Variants in CNIH3 observed in about 807,000 individuals in gnomAD.
The protein encoded by CNIH3 is protein cornichon homolog 3.
In CNIH3, 14 loss-of-function variants were observed where a neutral mutation model predicts 24.1. That is an observed-to-expected ratio of 0.58 (90% CI 0.38 to 0.91). The LOEUF is 0.91. Ranked by LOEUF, CNIH3 falls within the 40% of genes least tolerant of loss-of-function variation. The pLI, the probability that CNIH3 is intolerant of heterozygous loss-of-function variation, is 0.00. For synonymous variants in CNIH3, 68 were observed against 73.8 expected, an observed-to-expected ratio of 0.92 and a Z score of 0.40; for missense variants, 178 against 196.8, an observed-to-expected ratio of 0.90 and a Z score of 0.57.
intron 4 of CNIH3, among the ~76,000 whole-genome samples, chr1:224,574,227 G>C (rs934901249): frequency 6.6e-6 from 1 of 152,108 alleles, no homozygotes; most frequent in South Asian, 2.1e-4. Flanking sequence ...ACTGCTTCAC[G>C]TCAGGTACCT....
chr1:224,582,255 A>T (rs1322417837), intron 4 of CNIH3, among the ~76,000 whole-genome samples: 2 of 152,150 alleles, frequency 1.3e-5, no homozygotes, highest in African/African-American at 4.8e-5. Context: ...TTTATAGTCC[A>T]TAGGTAGCCA....
intron 1 of CNIH3, among the ~76,000 whole-genome samples, chr1:224,487,325 T>C (rs1214004134): frequency 6.6e-6 from 1 of 152,220 alleles, no homozygotes; most frequent in Non-Finnish European, 1.5e-5. Flanking sequence ...AGTGGACAGT[T>C]TGTAAACAGA....
At chr1:224,589,216 T>C (rs1681645845), downstream of CNIH3, among the ~76,000 whole-genome samples, 1 of 152,152 alleles carries the variant, frequency 6.6e-6, no homozygotes, top group African/African-American at 2.4e-5. Context: ...TGCACCACGT[T>C]GCTATTCCCA....
At chr1:224,589,279 G>C (rs1311393905), downstream of CNIH3, among the ~76,000 whole-genome samples, 1 of 152,094 alleles carries the variant, frequency 6.6e-6, no homozygotes, top group Non-Finnish European at 1.5e-5. Flanking sequence ...CTCACTTCCT[G>C]TCCTCACTGT....
At chr1:224,515,185 C>T (rs963065993), upstream of CNIH3, among the ~76,000 whole-genome samples, 5 of 152,168 alleles carry the variant, frequency 3.3e-5, no homozygotes, top group Non-Finnish European at 5.9e-5. Context: ...GGGGTCTAGG[C>T]TATTTACAGT....
chr1:224,660,719 A>G (rs1685311137), intron 1 of CNIH3, among the ~76,000 whole-genome samples: 1 of 152,222 alleles, frequency 6.6e-6, no homozygotes, highest in South Asian at 2.1e-4. Context: ...GTATATTACC[A>G]TTAACGCATT....
At chr1:224,546,399 C>T (rs1447887749) in intron 2 of CNIH3, among the ~76,000 whole-genome samples, 1 of 152,204 alleles carries the variant, frequency 6.6e-6, no homozygotes, top group African/African-American at 2.4e-5. Context: ...CTCCAAACTG[C>T]ACTGTGGTGC....
chr1:224,641,178 G>A lies in CNIH3; in HGVS notation c.81+23923G>A, dbSNP rs184258233. Among the ~76,000 whole-genome samples the A allele has an allele frequency of 4.5e-4, 69 of 152,236 alleles. 1 individual carries two copies. The highest frequency in any genetic ancestry group is 3.9e-3 in the South Asian group (19 of 4,820). Reference sequence around the variant, plus strand: ...GGGCTAAGCCTCCTCGGCATACATCGGCACTACCCTGCTGCTGCCCTGAGC... The same window carrying A: ...GGGCTAAGCCTCCTCGGCATACATCAGCACTACCCTGCTGCTGCCCTGAGC... On this transcript the variant is annotated intron_variant, in intron 1 of 5. Transcript: ENST00000272133.
chr1:224,474,749 C>G (rs1676500996), intron 1 of CNIH3, among the ~76,000 whole-genome samples: 1 of 152,056 alleles, frequency 6.6e-6, no homozygotes, highest in Admixed American at 6.5e-5. Flanking sequence ...AAATCGGAGC[C>G]CGGGCCGGTG....
intron 1 of CNIH3, among the ~76,000 whole-genome samples, chr1:224,679,698 A>C (rs1390087956): frequency 6.6e-6 from 1 of 152,222 alleles, no homozygotes; most frequent in African/African-American, 2.4e-5. Flanking sequence ...TGAAATCAGG[A>C]TGACATATGA....
At chr1:224,466,249 A>G (rs1572298533) in intron 1 of CNIH3, among the ~76,000 whole-genome samples, 1 of 152,102 alleles carries the variant, frequency 6.6e-6, no homozygotes, top group South Asian at 2.1e-4. Flanking sequence ...AGTCACATCT[A>G]CCTTCTTTCT....
At chr1:224,568,019 C>A (rs549058479) in intron 4 of CNIH3, among the ~76,000 whole-genome samples, 1 of 152,092 alleles carries the variant, frequency 6.6e-6, no homozygotes, top group African/African-American at 2.4e-5. Flanking sequence ...AGGCCAGGCA[C>A]GGTGGCTCAA....
At chr1:224,566,259 T>C (rs937458057) in exon 4 of CNIH3, 3 of 152,148 alleles carry the variant, frequency 2.0e-5, no homozygotes, top group African/African-American at 7.2e-5. Flanking sequence ...CCTTTATTAC[T>C]AAAAGGTCAG....
chr1:224,727,499 G>T (rs143791848), intron 3 of CNIH3, among the ~76,000 whole-genome samples: 1 of 152,154 alleles, frequency 6.6e-6, no homozygotes, highest in South Asian at 2.1e-4. Flanking sequence ...AAGTGGTCTG[G>T]CCTTCTCTCC....
intron 3 of CNIH3, among the ~76,000 whole-genome samples, chr1:224,722,722 G>A (rs977126748): frequency 6.6e-6 from 1 of 151,990 alleles, no homozygotes; most frequent in Admixed American, 6.5e-5. Context: ...GGATTCTAAA[G>A]TACCATGAAG....
chr1:224,533,759 A>G (rs1394572675), intron 2 of CNIH3, among the ~76,000 whole-genome samples: 1 of 152,110 alleles, frequency 6.6e-6, no homozygotes, highest in South Asian at 2.1e-4. Flanking sequence ...TACTGCATCA[A>G]GGCTTGCCCC....
chr1:224,507,538 G>T (rs1677968569), intron 1 of CNIH3, among the ~76,000 whole-genome samples: 1 of 152,120 alleles, frequency 6.6e-6, no homozygotes, highest in African/African-American at 2.4e-5. Context: ...TCTTTCTCTG[G>T]TGTATATGTA....
chr1:224,559,162 T>A (rs1680261775), intron 3 of CNIH3, among the ~76,000 whole-genome samples: 1 of 152,214 alleles, frequency 6.6e-6, no homozygotes, highest in South Asian at 2.1e-4. Context: ...AATCTTTGCC[T>A]GCTAGGAAGA....
intron 1 of CNIH3, among the ~76,000 whole-genome samples, chr1:224,466,359 C>G (rs1676152285): frequency 6.6e-6 from 1 of 152,202 alleles, no homozygotes; most frequent in African/African-American, 2.4e-5. Flanking sequence ...TAGTGTCATA[C>G]AGTCTGTAGC....
Sources: allele counts gnomAD v4.1 joint callset (sites outside exome capture counted in the v4.1 genomes callset), GRCh38; gene constraint gnomAD v4.1.1; transcripts MANE v1.5; gene names NCBI Gene and HGNC (gene_info 2026-07-23, HGNC 2026-07-21).